Variants in DMD observed in about 807,000 individuals in gnomAD.
DMD encodes the protein mutant dystrophin.
A neutral mutation model predicts 330.1 loss-of-function variants in DMD; 63 were observed. That is an observed-to-expected ratio of 0.19 (90% CI 0.16 to 0.24). The LOEUF is 0.24. Among genes scored for constraint, DMD ranks in the 10% least tolerant of loss-of-function variants. The pLI is 1.00. For missense variants in DMD, 3,344 were observed against 2,684.1 expected, an observed-to-expected ratio of 1.25 and a Z score of -5.43; for synonymous variants, 1,223 against 959.8, an observed-to-expected ratio of 1.27 and a Z score of -5.07.
chrX:32,620,860 A>C (rs2057935840), intron 11 of DMD, among the ~76,000 whole-genome samples: 1 of 112,195 alleles, frequency 8.9e-6, no homozygotes, highest in South Asian at 3.7e-4. Context: ...GAGAGGATAC[A>C]AATTGACCTG....
At chrX:32,701,859 A>C (rs758135358) in intron 7 of DMD, among the ~76,000 whole-genome samples, 1 of 111,878 alleles carries the variant, frequency 8.9e-6, no homozygotes, top group Non-Finnish European at 1.9e-5. Flanking sequence ...TTTCATTTAC[A>C]TAAAACATGT....
At chrX:31,892,907 A>G (rs190835979) in intron 47 of DMD, among the ~76,000 whole-genome samples, 2 of 112,399 alleles carry the variant, frequency 1.8e-5, no homozygotes, top group East Asian at 5.6e-4. Context: ...ACACTGGGTT[A>G]AATAAAACAT....
At chrX:31,228,904 T>C (rs746235857) in intron 63 of DMD, among the ~76,000 whole-genome samples, 48 of 112,382 alleles carry the variant, frequency 4.3e-4, no homozygotes, top group Middle Eastern at 9.2e-3. Context: ...AGCCTATAAA[T>C]AGAGAAATCT....
chrX:32,758,304 G>A (rs957418174), intron 7 of DMD, among the ~76,000 whole-genome samples: 1 of 111,193 alleles, frequency 9.0e-6, no homozygotes, highest in Non-Finnish European at 1.9e-5. Flanking sequence ...TTAGCTTTAG[G>A]GGCCAGAGAG....
At chrX:32,136,158 A>T (rs1398147827) in intron 44 of DMD, among the ~76,000 whole-genome samples, 1 of 112,645 alleles carries the variant, frequency 8.9e-6, no homozygotes. Flanking sequence ...AATTTTAGTA[A>T]TATTTTTCAT....
chrX:32,196,817 C>T (rs1268696151), intron 44 of DMD, among the ~76,000 whole-genome samples: 1 of 108,824 alleles, frequency 9.2e-6, no homozygotes, highest in Non-Finnish European at 1.9e-5. Context: ...AACCCCGTCT[C>T]TACTAAAAAT....
chrX:32,353,598 A>T (rs1266954908), intron 37 of DMD, among the ~76,000 whole-genome samples: 1 of 111,562 alleles, frequency 9.0e-6, no homozygotes, highest in African/African-American at 3.2e-5. Context: ...CACACAAAAT[A>T]GGTTTTAGTT....
intron 6 of DMD, among the ~76,000 whole-genome samples, chrX:32,809,929 A>AAAAAAAAAAAAAAAAAAAAAAAAG (rs2077229205): frequency 2.3e-5 from 2 of 86,639 alleles, no homozygotes; most frequent in African/African-American, 8.1e-5. Context: ...CAAAAAAAAA[A>AAAAAAAAAAAAAAAAAAAAAAAAG]AAAAAAAAAA....
At chrX:32,429,194 TTTTTC>T (rs1449132804) in intron 29 of DMD, among the ~76,000 whole-genome samples, 2 of 103,954 alleles carry the variant, frequency 1.9e-5, no homozygotes, top group Non-Finnish European at 2.0e-5. Flanking sequence ...TTTTTTTTTC[TTTTTC>T]TTTTCTTTCC....
At chrX:32,456,072 A>G (rs1239722269) in intron 25 of DMD, among the ~76,000 whole-genome samples, 1 of 94,408 alleles carries the variant, frequency 1.1e-5, no homozygotes, top group African/African-American at 3.8e-5. Context: ...ACAACATTAT[A>G]CATTTTAAGT....
At chrX:32,130,408 A>T (rs979466579) in intron 44 of DMD, among the ~76,000 whole-genome samples, 1 of 111,442 alleles carries the variant, frequency 9.0e-6, no homozygotes, top group African/African-American at 3.3e-5. Context: ...ATATATGTGA[A>T]ATCTTGTTTC....
At position 31,595,720 on chromosome X, in the gene DMD, T is replaced by C. The variant is rs1163041942; in HGVS notation, c.8217+31953A>G. On this transcript the variant is annotated intron_variant, in intron 55 of 78. Coordinates refer to ENST00000357033, the MANE Select transcript of DMD (RefSeq NM_004006.3). ...AGCACAAGGAAAAAAGGTATTTCAC[T>C]TTCAAAGGACCTATGCTGTTTTTTT... Among the ~76,000 whole-genome samples the C allele has an allele frequency of 3.8e-5, 3 of 79,454 alleles. No homozygotes were observed. In the East Asian group the frequency reaches 1.3e-3, roughly 34 times the overall value. 69.0% of individuals were successfully genotyped at this position (79,454 alleles called of 115,157 possible).
rs569595873 is a variant in DMD at position 32,931,475 on chromosome X, G to A, written c.94-81655C>T. On this transcript the variant is annotated intron_variant, in intron 2 of 78. Transcript: ENST00000357033. The stretch of plus-strand genomic sequence containing the variant: ...ATAAATTAGAAAATAGAGTAACTGT[G>A]TTATTCTGATTTGCTGAATCTTTTG... 7.1e-5 allele frequency among the ~76,000 whole-genome samples: 8 copies of A among 111,898 alleles called. No homozygotes were observed. In the South Asian group the frequency reaches 2.9e-3, roughly 41 times the overall value.
At chrX:32,694,179 T>C (rs73209878) in intron 9 of DMD, among the ~76,000 whole-genome samples, 63 of 111,524 alleles carry the variant, frequency 5.6e-4, no homozygotes, top group Middle Eastern at 4.6e-3. Context: ...TTCAGCCCCT[T>C]TGCTGATGCC....
intron 44 of DMD, among the ~76,000 whole-genome samples, chrX:32,199,178 C>T (rs1413136193): frequency 8.9e-6 from 1 of 111,897 alleles, no homozygotes; most frequent in Non-Finnish European, 1.9e-5. Flanking sequence ...AATTCAATAA[C>T]TTCCATGGCC....
At chrX:32,595,131 G>A (rs763360185) in intron 13 of DMD, among the ~76,000 whole-genome samples, 1 of 111,743 alleles carries the variant, frequency 8.9e-6, no homozygotes, top group African/African-American at 3.2e-5. Flanking sequence ...TGCAATCATG[G>A]ACAAATGCAG....
chrX:32,596,475 C>A (rs970819729), intron 12 of DMD, among the ~76,000 whole-genome samples: 16 of 111,177 alleles, frequency 1.4e-4, no homozygotes, highest in African/African-American at 5.2e-4. Flanking sequence ...GATTACTAAC[C>A]TAATTGGCCA....
intron 51 of DMD, among the ~76,000 whole-genome samples, chrX:31,745,809 C>T (rs1368578741): frequency 1.8e-5 from 2 of 112,132 alleles, no homozygotes; most frequent in Non-Finnish European, 3.8e-5. Context: ...CATTCCTACT[C>T]TAAAGGATAA....
chrX:32,733,460 A>G (rs1166044782), intron 7 of DMD, among the ~76,000 whole-genome samples: 1 of 110,809 alleles, frequency 9.0e-6, no homozygotes, highest in African/African-American at 3.4e-5. Context: ...CAGAATATAC[A>G]TTCTTTTCAG....
Sources: allele counts gnomAD v4.1 joint callset (sites outside exome capture counted in the v4.1 genomes callset), GRCh38; gene constraint gnomAD v4.1.1; transcripts MANE v1.5; gene names NCBI Gene and HGNC (gene_info 2026-07-23, HGNC 2026-07-21).